The following ZFHX3 variants were observed in gnomAD, a reference collection of about 807,000 sequenced individuals.
ZFHX3 encodes the protein zinc finger homeobox protein 3.
A neutral mutation model predicts 279.1 loss-of-function variants in ZFHX3; 42 were observed. The observed-to-expected ratio is 0.15, with a 90% CI of 0.12 to 0.19. The LOEUF is 0.19. Among genes scored for constraint, ZFHX3 ranks in the 10% least tolerant of loss-of-function variants. ZFHX3 has a pLI of 1.00. For missense variants in ZFHX3, 4,981 were observed against 4,754.0 expected, an observed-to-expected ratio of 1.05 and a Z score of -1.40; for synonymous variants, 2,293 against 1,957.8, an observed-to-expected ratio of 1.17 and a Z score of -4.52.
In ZFHX3 at chr16:72,787,511, A is replaced by G. The variant is rs778803546; in HGVS notation, c.10765T>C (p.Ser3589Pro). Residue 3589 changes from serine (S) to proline (P), a missense_variant, in exon 10 of 10, where the codon TCT (serine) becomes CCT (proline). Ser to Pro is a moderately conservative substitution (Grantham distance 74, BLOSUM62 -1). Coordinates refer to ENST00000268489, the MANE Select transcript of ZFHX3 (RefSeq NM_006885.4). ...PDPSTASTSQ[S>P]AAHSNDSPPP... ...GGGCTGTCGTTTGAGTGAGCGGCAG[A>G]CTGCGAGGTAGATGCGGTGCTAGGA... 1.2e-6 allele frequency: 2 copies of G among 1,613,766 alleles called. No individual in the cohort carries two copies. The highest frequency in any genetic ancestry group is 1.7e-6 in the Non-Finnish European group (2 of 1,179,944).
intron 1 of ZFHX3, among the ~76,000 whole-genome samples, chr16:73,039,386 G>T (rs1042543138): frequency 2.6e-5 from 4 of 152,192 alleles, no homozygotes; most frequent in Admixed American, 2.6e-4. Flanking sequence ...TGTCTAAATG[G>T]GGGGAGTGGC....
intron 1 of ZFHX3, among the ~76,000 whole-genome samples, chr16:73,805,078 CA>C (rs1187126975): frequency 6.6e-6 from 1 of 152,124 alleles, no homozygotes; most frequent in African/African-American, 2.4e-5. Flanking sequence ...CTGACACAAT[CA>C]GAGAAAATAC....
chr16:73,178,823 A>C (rs1383868839), intron 5 of ZFHX3, among the ~76,000 whole-genome samples: 1 of 152,154 alleles, frequency 6.6e-6, no homozygotes, highest in Non-Finnish European at 1.5e-5. Flanking sequence ...CTAGTGAGTC[A>C]GTTCCATCCC....
chr16:73,211,932 A>C (rs73597322), intron 5 of ZFHX3, among the ~76,000 whole-genome samples: 8,701 of 151,946 alleles, frequency 0.057, 796 homozygotes, highest in African/African-American at 0.19. Flanking sequence ...TATATTGAGG[A>C]TAGGAGTAAG....
chr16:73,700,088 T>C (rs903587246), intron 1 of ZFHX3, among the ~76,000 whole-genome samples: 1 of 152,022 alleles, frequency 6.6e-6, no homozygotes, highest in African/African-American at 2.4e-5. Context: ...CTAGACATTA[T>C]AGCACACACT....
chr16:73,563,412 A>G (rs1350107074), intron 2 of ZFHX3, among the ~76,000 whole-genome samples: 1 of 151,728 alleles, frequency 6.6e-6, no homozygotes, highest in African/African-American at 2.4e-5. Flanking sequence ...ACGCGCCACC[A>G]TGCCCGGCTA....
chr16:73,480,957 G>T (rs2018854669), intron 2 of ZFHX3, among the ~76,000 whole-genome samples: 1 of 152,198 alleles, frequency 6.6e-6, no homozygotes, highest in Admixed American at 6.5e-5. Flanking sequence ...AGGGTAAGTG[G>T]CCTCTGCAAA....
chr16:73,365,781 G>A (rs2016518972), intron 3 of ZFHX3, among the ~76,000 whole-genome samples: 1 of 152,144 alleles, frequency 6.6e-6, no homozygotes, highest in Admixed American at 6.5e-5. Flanking sequence ...TGATCCTGGA[G>A]CCACCTTCTT....
chr16:73,059,328 TAAAA>T (rs1264022636), exon 1 of ZFHX3: 2 of 96,760 alleles, frequency 2.1e-5, no homozygotes, highest in African/African-American at 7.8e-5. Context: ...ATGCATGTAT[TAAAA>T]ACACACACAC....
intron 3 of ZFHX3, among the ~76,000 whole-genome samples, chr16:73,366,733 C>T (rs755019759): frequency 3.3e-5 from 5 of 151,688 alleles, no homozygotes; most frequent in African/African-American, 4.8e-5. Flanking sequence ...TGTGTGTGTG[C>T]GTGCACACTC....
At chr16:73,533,056 T>A (rs1434164524) in intron 2 of ZFHX3, among the ~76,000 whole-genome samples, 1 of 152,196 alleles carries the variant, frequency 6.6e-6, no homozygotes, top group Non-Finnish European at 1.5e-5. Context: ...GAAAATGGAC[T>A]AATGCACCAC....
intron 1 of ZFHX3, among the ~76,000 whole-genome samples, chr16:73,735,382 TAAAAA>T (rs1310717929): frequency 9.8e-6 from 1 of 102,270 alleles, no homozygotes; most frequent in Admixed American, 1.1e-4. Flanking sequence ...TGTGTGCTTC[TAAAAA>T]AAAAAAAAAA....
intron 1 of ZFHX3, among the ~76,000 whole-genome samples, chr16:73,712,932 G>T (rs1296543355): frequency 6.6e-6 from 1 of 152,166 alleles, no homozygotes; most frequent in Non-Finnish European, 1.5e-5. Context: ...ATTGCAGGGT[G>T]GGCTGTCTGC....
intron 3 of ZFHX3, among the ~76,000 whole-genome samples, chr16:72,916,236 C>T (rs558253411): frequency 5.3e-5 from 8 of 152,238 alleles, no homozygotes; most frequent in African/African-American, 1.9e-4. Context: ...TTACTAACAC[C>T]GAACTGGGAG....
intron 1 of ZFHX3, among the ~76,000 whole-genome samples, chr16:72,994,418 T>C (rs1963203816): frequency 6.6e-6 from 1 of 152,212 alleles, no homozygotes; most frequent in South Asian, 2.1e-4. Context: ...CCAGGTGCCA[T>C]TTCTGGGATT....
At chr16:73,293,665 C>T (rs936382741) in intron 4 of ZFHX3, among the ~76,000 whole-genome samples, 1 of 152,184 alleles carries the variant, frequency 6.6e-6, no homozygotes, top group Admixed American at 6.5e-5. Flanking sequence ...AAAGCCCAGG[C>T]CAGCATGGCC....
At chr16:72,912,982 G>A (rs553808544) in intron 3 of ZFHX3, among the ~76,000 whole-genome samples, 4 of 152,126 alleles carry the variant, frequency 2.6e-5, no homozygotes, top group African/African-American at 4.8e-5. Flanking sequence ...CTCAGCCTCC[G>A]AAAGTGTTGG....
intron 1 of ZFHX3, among the ~76,000 whole-genome samples, chr16:73,700,652 C>T (rs1004266895): frequency 7.2e-5 from 11 of 152,130 alleles, no homozygotes; most frequent in Non-Finnish European, 1.3e-4. Context: ...AAACCATTTT[C>T]AATCAATTAT....
At chr16:72,949,960 G>A (rs1397880491) in intron 3 of ZFHX3, among the ~76,000 whole-genome samples, 3 of 128,164 alleles carry the variant, frequency 2.3e-5, no homozygotes, top group Non-Finnish European at 4.7e-5. Flanking sequence ...GTGAACAAAT[G>A]CCCAGAACAG....
Sources: allele counts gnomAD v4.1 joint callset (sites outside exome capture counted in the v4.1 genomes callset), GRCh38; gene constraint gnomAD v4.1.1; transcripts MANE v1.5; gene names NCBI Gene and HGNC (gene_info 2026-07-23, HGNC 2026-07-21).